Variants in AFAP1L2 observed in about 807,000 individuals in gnomAD.
The protein encoded by AFAP1L2 is actin filament-associated protein 1-like 2.
AFAP1L2 carries 46 observed loss-of-function variants against 99.3 expected under a neutral mutation model. That is an observed-to-expected ratio of 0.46 (90% CI 0.37 to 0.59). The LOEUF (loss-of-function observed/expected upper bound fraction) is 0.59. Among genes scored for constraint, AFAP1L2 ranks in the 20% least tolerant of loss-of-function variants. The pLI, the probability that AFAP1L2 is intolerant of heterozygous loss-of-function variation, is 0.00. For missense variants in AFAP1L2, 959 were observed against 1,034.9 expected (o/e 0.93, Z 1.01); for synonymous variants, 397 against 419.1 (o/e 0.95, Z 0.64).
At chr10:114,286,036 C>G in the AFAP1L2 span, 1 of 1,614,048 alleles carries the variant, frequency 6.2e-7, no homozygotes, top group African/African-American at 1.3e-5. Context: ...CCAAAGTCTT[C>G]GTGAAGCGGT....
At position 114,404,500 on chromosome 10, in the gene AFAP1L2, T is replaced by C; in HGVS notation, c.-45A>G. ...CCTCGCGGCTCGGCTTCTGCGCTGC[T>C]CTCCCGGCGCTCGGCTCAGCGCCCA... On this transcript the variant is annotated 5_prime_UTR_variant, in exon 1 of 19. Transcript: ENST00000304129. 1.3e-6 allele frequency: 2 copies of C among 1,524,926 alleles called. No homozygotes were observed. Among genetic ancestry groups the C allele is most frequent in the South Asian group, 1.2e-5 (1 of 82,844 alleles). 94.5% of individuals were successfully genotyped at this position (1,524,926 alleles called of 1,614,324 possible).
At chr10:114,322,006 T>C (rs2045432168) in intron 5 of AFAP1L2, among the ~76,000 whole-genome samples, 1 of 152,184 alleles carries the variant, frequency 6.6e-6, no homozygotes, top group African/African-American at 2.4e-5. Context: ...AATTGAATCA[T>C]GGGGGTGAGT....
rs58275552 is a variant in AFAP1L2, at chr10:114,312,234, A to AGT, written c.792+1635_792+1636dup. On this transcript the variant is annotated intron_variant, in intron 7 of 18. Transcript: ENST00000304129. ...AGCGGGGAACTGGGGGCAAGAGCAG[A>AGT]GTGTGTGTGTGTGTGTGTGTGTGTG... Among the ~76,000 whole-genome samples the AGT allele has an allele frequency of 2.0e-3, 288 of 145,604 alleles. 2 individuals carry two copies. Among genetic ancestry groups the AGT allele is most frequent in the African/African-American group, 6.1e-3 (234 of 38,630 alleles).
upstream of AFAP1L2, chr10:114,404,510 C>G: frequency 6.6e-7 from 1 of 1,519,692 alleles, no homozygotes; most frequent in Admixed American, 2.0e-5. Flanking sequence ...TCTCCCGGCG[C>G]TCGGCTCAGC....
At chr10:114,366,326 C>T (rs1380603531) in intron 1 of AFAP1L2, among the ~76,000 whole-genome samples, 1 of 152,096 alleles carries the variant, frequency 6.6e-6, no homozygotes, top group African/African-American at 2.4e-5. Flanking sequence ...ACAGCAGACA[C>T]CAGTGGATAG....
chr10:114,316,427 C>T (rs2044157678), intron 5 of AFAP1L2, among the ~76,000 whole-genome samples: 2 of 152,200 alleles, frequency 1.3e-5, no homozygotes, highest in Admixed American at 1.3e-4. Context: ...CAGTCATAGC[C>T]CTTCTTCAAA....
rs754801619 is a variant in AFAP1L2 at position 114,300,373 on chromosome 10, A to T, written c.1789-11T>A. 7 of 1,614,018 alleles carry T rather than the reference A, an allele frequency of 4.3e-6. No individual in the cohort carries two copies. The African/African-American group carries it at 9.3e-5, about 22-fold the overall frequency. On this transcript the variant is annotated splice_polypyrimidine_tract_variant and intron_variant, in intron 14 of 18. Coordinates refer to ENST00000304129, the MANE Select transcript of AFAP1L2 (RefSeq NM_001001936.3). Reference sequence around the variant, plus strand: ...CAAACTCTCCAGCTGCTTTGGGGGAAAGCAGACCTGACTCAGCTGGCTGAA... The same window carrying T: ...CAAACTCTCCAGCTGCTTTGGGGGATAGCAGACCTGACTCAGCTGGCTGAA...
At chr10:114,403,004 C>T (rs1038050903) in intron 1 of AFAP1L2, among the ~76,000 whole-genome samples, 2 of 152,192 alleles carry the variant, frequency 1.3e-5, no homozygotes, top group Non-Finnish European at 2.9e-5. Flanking sequence ...GTGCAAACGG[C>T]CATGTTACAA....
rs114331539 is a variant in AFAP1L2, at chr10:114,364,680, G to A, written c.17-23949C>T. 3.6e-3 allele frequency among the ~76,000 whole-genome samples: 541 copies of A among 152,286 alleles called. 6 individuals carry two copies. The highest frequency in any genetic ancestry group is 0.013 in the African/African-American group (523 of 41,548). On this transcript the variant is annotated intron_variant, in intron 1 of 18. Coordinates refer to ENST00000304129, the MANE Select transcript of AFAP1L2 (RefSeq NM_001001936.3). ...ATTCCAGGGCTTAGGACCTGAATAT[G>A]TCTTTGAGGGGAATACAGTTCAACC...
intron 1 of AFAP1L2, among the ~76,000 whole-genome samples, chr10:114,399,724 C>T (rs1481849305): frequency 6.6e-6 from 1 of 152,136 alleles, no homozygotes; most frequent in Non-Finnish European, 1.5e-5. Flanking sequence ...ATTCTCTTTC[C>T]CACTAAGTCT....
intron 14 of AFAP1L2, 33 bp downstream of exon 14, chr10:114,300,412 G>A: frequency 6.3e-7 from 1 of 1,593,020 alleles, no homozygotes; most frequent in Admixed American, 1.8e-5. Flanking sequence ...GCGCAGGAAG[G>A]TGGTCTTGCT....
chr10:114,318,292 A>C (rs1476469967), intron 5 of AFAP1L2, among the ~76,000 whole-genome samples: 6 of 152,206 alleles, frequency 3.9e-5, no homozygotes, highest in African/African-American at 1.4e-4. Context: ...TACTGTGAAG[A>C]ATTTGGGTAA....
chr10:114,379,943 T>G (rs1477132057), intron 1 of AFAP1L2, among the ~76,000 whole-genome samples: 3 of 152,200 alleles, frequency 2.0e-5, no homozygotes, highest in Non-Finnish European at 4.4e-5. Context: ...GGGCTTTGTA[T>G]GTTTTCTGTG....
intron 2 of AFAP1L2, among the ~76,000 whole-genome samples, chr10:114,340,138 C>T (rs1361288072): frequency 1.3e-5 from 2 of 149,666 alleles, no homozygotes; most frequent in Non-Finnish European, 3.0e-5. Context: ...TCAAGACCAG[C>T]CTGGGCAACA....
intron 2 of AFAP1L2, among the ~76,000 whole-genome samples, chr10:114,339,976 A>C (rs1437420861): frequency 7.0e-6 from 1 of 142,974 alleles, no homozygotes; most frequent in Admixed American, 7.4e-5. Context: ...ATGCCACTGC[A>C]CTCCAGCCTG....
At chr10:114,286,525 G>T in the AFAP1L2 span, 1 of 1,546,730 alleles carries the variant, frequency 6.5e-7, no homozygotes. Flanking sequence ...AGGTCCCAGT[G>T]CCTGACCCAG....
At chr10:114,380,861 A>G (rs572996425) in intron 1 of AFAP1L2, among the ~76,000 whole-genome samples, 1 of 152,266 alleles carries the variant, frequency 6.6e-6, no homozygotes, top group African/African-American at 2.4e-5. Context: ...ATATAAGATT[A>G]CAAAAGTACA....
intron 2 of AFAP1L2, among the ~76,000 whole-genome samples, chr10:114,334,423 C>T (rs528362222): frequency 3.3e-4 from 51 of 152,316 alleles, no homozygotes; most frequent in Admixed American, 4.6e-4. Context: ...TTAGAGACCG[C>T]GTTACTGAGC....
chr10:114,300,359 G>A lies in AFAP1L2; in HGVS notation c.1792C>T (p.Leu598=), dbSNP rs1206823535. The A allele has an allele frequency of 5.0e-6, 8 of 1,614,174 alleles. No individual in the cohort carries two copies. The highest frequency in any genetic ancestry group is 2.5e-6 in the Non-Finnish European group (3 of 1,180,010). Residue 598 remains leucine (L), a synonymous_variant, in exon 15 of 19, where the codon CTG becomes TTG. Coordinates refer to ENST00000304129, the MANE Select transcript of AFAP1L2 (RefSeq NM_001001936.3). ...GGATCCTCTGGCTCCAAACTCTCCA[G>A]CTGCTTTGGGGGAAAGCAGACCTGA... ...KCPENLGEQQ[L]ESLEPEDPSL... is the part of the protein sequence containing the mutation.
Sources: allele counts gnomAD v4.1 joint callset (sites outside exome capture counted in the v4.1 genomes callset), GRCh38; gene constraint gnomAD v4.1.1; transcripts MANE v1.5; gene names NCBI Gene and HGNC (gene_info 2026-07-23, HGNC 2026-07-21).